The following NDST1 variants were observed in gnomAD, a reference collection of about 807,000 sequenced individuals.
The protein encoded by NDST1 is bifunctional heparan sulfate N-deacetylase/N-sulfotransferase 1.
Under a neutral mutation model 92.8 loss-of-function variants are expected in NDST1, and 35 were observed. That is an observed-to-expected ratio of 0.38 (90% confidence interval 0.29 to 0.50). The LOEUF (loss-of-function observed/expected upper bound fraction) is 0.50. Ranked by LOEUF, NDST1 falls within the 20% of genes least tolerant of loss-of-function variation. NDST1 has a pLI of 0.94. For missense variants in NDST1, 822 were observed against 1,182.7 expected, an observed-to-expected ratio of 0.69 and a Z score of 4.47; for synonymous variants, 493 against 500.3, an observed-to-expected ratio of 0.99 and a Z score of 0.19.
At chr5:150,510,048 C>T (rs925023328) in intron 1 of NDST1, among the ~76,000 whole-genome samples, 1 of 149,400 alleles carries the variant, frequency 6.7e-6, no homozygotes, top group Non-Finnish European at 1.5e-5. Context: ...AGAAGGGTAA[C>T]GAACAGGGGC....
Position 150,521,289 on chromosome 5 carries a change from G to A in NDST1, c.35G>A (p.Arg12Gln), listed in dbSNP as rs534750288. The A allele has an allele frequency of 3.2e-5, 52 of 1,612,066 alleles. No homozygotes were observed. The highest frequency in any genetic ancestry group is 4.2e-5 in the Non-Finnish European group (49 of 1,179,846). The change falls in exon 2 of 15, where the codon CGG becomes CAG. Residue 12 changes from arginine to glutamine, a missense_variant. Coordinates refer to ENST00000261797, the MANE Select transcript of NDST1 (RefSeq NM_001543.5). The surrounding 1 kb of genome is among the most constrained non-coding windows in gnomAD (Gnocchi z 5.9). ...PALACLRRLCRHVSPQAVLFL... is the reference protein window; with the variant it reads ...PALACLRRLCQHVSPQAVLFL... ...CTGGCATGCCTCCGGAGGCTGTGTC[G>A]GCACGTGTCCCCGCAGGCTGTCCTT...
rs554362813 is a variant in NDST1 at position 150,556,150 on chromosome 5, A to T, written c.*2818A>T. Reference sequence around the variant, plus strand: ...ACTAATTCACTCTAAGCATTTGGCCAAAAAAAGGAGAGAGAAATAACTGAA... The same window carrying T: ...ACTAATTCACTCTAAGCATTTGGCCTAAAAAAGGAGAGAGAAATAACTGAA... On this transcript the variant is annotated 3_prime_UTR_variant, in exon 15 of 15. Transcript: ENST00000261797. 6.6e-6 allele frequency: 1 copy of T among 152,270 alleles called. No individual in the cohort carries two copies. Among genetic ancestry groups the T allele is most frequent in the Admixed American group, 6.5e-5 (1 of 15,292 alleles). 9.4% of individuals were successfully genotyped at this position (152,270 alleles called of 1,614,324 possible). A position where few individuals can be genotyped will look rare whatever the true frequency, so the allele number is the denominator to read the frequency against.
rs760839553 is a variant in NDST1 at position 150,540,134 on chromosome 5, T to C, written c.1619T>C (p.Leu540Pro). Reference protein sequence around the residue: ...LSNYGNDRLGLYTFKHLVRFL... With the variant: ...LSNYGNDRLGPYTFKHLVRFL... Reference sequence around the variant, plus strand: ...AACTATGGGAATGACCGCCTGGGCCTGTACACCTTCAAGCACCTGGTGCGC... The same window carrying C: ...AACTATGGGAATGACCGCCTGGGCCCGTACACCTTCAAGCACCTGGTGCGC... The change falls in exon 8 of 15, where the codon CTG (leucine) becomes CCG (proline). Residue 540 changes from leucine to proline, a missense_variant. Leu to Pro is a moderately conservative substitution (Grantham distance 98). Transcript: ENST00000261797. The C allele has an allele frequency of 1.9e-6, 3 of 1,614,210 alleles. No homozygotes were observed. The highest frequency in any genetic ancestry group is 2.2e-5 in the South Asian group (2 of 91,086).
chr5:150,551,988 G>A, intron 14 of NDST1, 133 bp downstream of exon 14: 2 of 1,429,400 alleles, frequency 1.4e-6, no homozygotes, highest in Non-Finnish European at 1.9e-6. Context: ...GACAGTATTT[G>A]TAAGAGGAGG....
At chr5:150,526,604 G>C (rs1264714191) in intron 2 of NDST1, among the ~76,000 whole-genome samples, 1 of 152,204 alleles carries the variant, frequency 6.6e-6, no homozygotes, top group East Asian at 1.9e-4. Context: ...TTGCAGGCTG[G>C]TGGGAGATAG....
intron 1 of NDST1, among the ~76,000 whole-genome samples, chr5:150,513,968 A>G (rs1344190709): frequency 3.3e-5 from 5 of 152,252 alleles, no homozygotes; most frequent in Admixed American, 2.6e-4. Context: ...CATCTCATTC[A>G]TTATCCTCAG....
At position 150,557,184 on chromosome 5, in the gene NDST1, G is replaced by A. The variant is rs1034908512; in HGVS notation, c.*3852G>A. On this transcript the variant is annotated 3_prime_UTR_variant, in exon 15 of 15. Transcript: ENST00000261797. This position sits in a 1 kb window ranked among gnomAD's most constrained non-coding sequence, Gnocchi z 4.7. ...GGGCCAGTTAGAGCAAGAGCTCTGG[G>A]GGGGCCGGAAAGTCTCCCTGGAGAA... The A allele has an allele frequency of 2.0e-5, 3 of 152,702 alleles. No individual in the cohort carries two copies. The East Asian group carries it at 5.8e-4, about 29-fold the overall frequency. 9.5% of individuals were successfully genotyped at this position (152,702 alleles called of 1,614,324 possible). A position where few individuals can be genotyped will look rare whatever the true frequency, so the allele number is the denominator to read the frequency against.
intron 2 of NDST1, among the ~76,000 whole-genome samples, chr5:150,523,576 C>A (rs1437647296): frequency 6.6e-6 from 1 of 152,222 alleles, no homozygotes; most frequent in South Asian, 2.1e-4. Flanking sequence ...GCAGTCCGGC[C>A]CCAGAGGCCT....
At chr5:150,546,526 C>T (rs952992140) in intron 11 of NDST1, among the ~76,000 whole-genome samples, 3 of 152,250 alleles carry the variant, frequency 2.0e-5, no homozygotes, top group Non-Finnish European at 4.4e-5. Context: ...TCCTCGTTAA[C>T]CCAGCAGACC....
chr5:150,514,697 G>C (rs1425822228), intron 1 of NDST1, among the ~76,000 whole-genome samples: 1 of 152,008 alleles, frequency 6.6e-6, no homozygotes, highest in Non-Finnish European at 1.5e-5. Context: ...AGGAATGAAA[G>C]ACCAAACTCA....
Position 150,528,172 on chromosome 5 carries a change from C to T in NDST1, c.882C>T (p.Phe294=), listed in dbSNP as rs375114031. Residue 294 remains phenylalanine, a synonymous_variant, in exon 3 of 15, where the codon TTC becomes TTT. Coordinates refer to ENST00000261797, the MANE Select transcript of NDST1 (RefSeq NM_001543.5). ...NLNFWLHKLV[F]VDAVAFLTGK... ...ACTTCTGGCTGCACAAGCTTGTCTTCGTGGATGCCGTGGCCTTCCTCACGG... is the reference window on the plus strand; with the variant it reads ...ACTTCTGGCTGCACAAGCTTGTCTTTGTGGATGCCGTGGCCTTCCTCACGG... The T allele has an allele frequency of 2.1e-5, 34 of 1,614,272 alleles. No individual in the cohort carries two copies. Among genetic ancestry groups the T allele is most frequent in the East Asian group, 4.5e-5 (2 of 44,888 alleles).
At chr5:150,519,076 C>T (rs1218840826) in intron 1 of NDST1, among the ~76,000 whole-genome samples, 2 of 152,164 alleles carry the variant, frequency 1.3e-5, no homozygotes, top group Non-Finnish European at 2.9e-5. Flanking sequence ...CACGCCCGAC[C>T]CTTGTGTTAT....
intron 11 of NDST1, among the ~76,000 whole-genome samples, chr5:150,546,946 C>T (rs528756470): frequency 1.2e-4 from 19 of 152,306 alleles, no homozygotes; most frequent in African/African-American, 4.6e-4. Context: ...CGCCTCCTGG[C>T]GCTGTGCAGG....
At chr5:150,546,398 G>A (rs534940737) in intron 11 of NDST1, among the ~76,000 whole-genome samples, 3 of 152,318 alleles carry the variant, frequency 2.0e-5, no homozygotes, top group East Asian at 1.9e-4. Flanking sequence ...TGGGGTAGGC[G>A]GAGTCCCTCC....
rs1406385934 is a variant in NDST1, at chr5:150,554,240, C to T, written c.*908C>T. 1 of 397,404 alleles carries T rather than the reference C, an allele frequency of 2.5e-6. No homozygotes were observed. The highest frequency in any genetic ancestry group is 1.3e-4 in the South Asian group (1 of 7,750). 24.6% of individuals were successfully genotyped at this position (397,404 alleles called of 1,614,324 possible). A position where few individuals can be genotyped will look rare whatever the true frequency, so the allele number is the denominator to read the frequency against. ...CGAGGGCTCTCAGAGACCCCCTTAA[C>T]CTCCCAAATACTAAGAAGCTAAAAT... is the stretch of plus-strand genomic sequence containing the variant. On this transcript the variant is annotated 3_prime_UTR_variant, in exon 15 of 15. Coordinates refer to ENST00000261797, the MANE Select transcript of NDST1 (RefSeq NM_001543.5).
At chr5:150,529,367 G>T (rs1754617429) in intron 3 of NDST1, among the ~76,000 whole-genome samples, 1 of 145,230 alleles carries the variant, frequency 6.9e-6, no homozygotes, top group Non-Finnish European at 1.5e-5. Flanking sequence ...TTCCAGCCTG[G>T]GCCACAGAGC....
upstream of NDST1, among the ~76,000 whole-genome samples, chr5:150,506,790 C>G (rs1396399575): frequency 6.6e-6 from 1 of 152,108 alleles, no homozygotes; most frequent in Admixed American, 6.5e-5. Context: ...GTCGTGATGA[C>G]AAGCCCCAGC....
exon 1 of NDST1, chr5:150,498,019 GAAGA>G (rs1391649014): frequency 1.3e-5 from 2 of 152,554 alleles, no homozygotes; most frequent in African/African-American, 4.8e-5. Context: ...TTCTTTTTCT[GAAGA>G]AAGAGTTTGT....
chr5:150,525,698 G>C (rs1433115467), intron 2 of NDST1, among the ~76,000 whole-genome samples: 1 of 152,154 alleles, frequency 6.6e-6, no homozygotes, highest in Admixed American at 6.5e-5. Flanking sequence ...AGTGAAAGGC[G>C]CTCTTCTGGA....
Sources: gnomAD v4.1 joint callset for allele counts (sites outside exome capture counted in the v4.1 genomes callset) on GRCh38, gnomAD v4.1.1 for gene constraint, Gnocchi (gnomAD v3.1) non-coding constraint, MANE v1.5 for transcripts, NCBI Gene and HGNC (gene_info 2026-07-23, HGNC 2026-07-21) for gene names.